Variants in NSD1 observed in about 807,000 individuals in gnomAD.
NSD1 encodes nuclear receptor binding SET domain protein 1.
In NSD1, 26 loss-of-function variants were observed where a neutral mutation model predicts 242.7. The observed-to-expected ratio is 0.11, with a 90% CI of 0.08 to 0.15. The LOEUF is 0.15. Ranked by LOEUF, NSD1 falls within the 10% of genes least tolerant of loss-of-function variation. The probability of loss-of-function intolerance (pLI) is 1.00; values close to 1 mark genes in which losing one functional copy is unlikely to be tolerated. For synonymous variants in NSD1, 1,106 were observed against 1,178.1 expected (o/e 0.94, Z 1.25); for missense variants, 2,495 against 3,272.8 (o/e 0.76, Z 5.80).
At chr5:177,164,684 A>G (rs1389595468) in intron 2 of NSD1, among the ~76,000 whole-genome samples, 1 of 152,222 alleles carries the variant, frequency 6.6e-6, no homozygotes, top group East Asian at 1.9e-4. Flanking sequence ...GCTCACGCCC[A>G]TAATTCCAGC....
chr5:177,266,221 G>C (rs1757440634), intron 14 of NSD1: 1 of 884,980 alleles, frequency 1.1e-6, no homozygotes, highest in Non-Finnish European at 1.9e-6. Context: ...TGATGATGAT[G>C]TTCACCTTTT....
At chr5:177,132,742 T>A (rs936342406), upstream of NSD1, among the ~76,000 whole-genome samples, 1 of 146,998 alleles carries the variant, frequency 6.8e-6, no homozygotes, top group Non-Finnish European at 1.5e-5. The surrounding 1 kb of genome is among the most constrained non-coding windows in gnomAD (Gnocchi z 7.5). Flanking sequence ...CCGGGGCGGG[T>A]AACCCGACCC....
rs560240663 is a variant in NSD1, at chr5:177,223,487, C to A, written c.3796+11292C>A. Among the ~76,000 whole-genome samples the A allele has an allele frequency of 2.0e-5, 3 of 151,758 alleles. No homozygotes were observed. The East Asian group carries it at 5.9e-4, about 30-fold the overall frequency. On this transcript the variant is annotated intron_variant, in intron 5 of 22. Coordinates refer to ENST00000439151, the MANE Select transcript of NSD1 (RefSeq NM_022455.5). ...ACTTGGGAGGCTGAGGCAGGAGAATCACTTGAACCCAGGAAGCGGAAGTTG... is the reference window on the plus strand; with the variant it reads ...ACTTGGGAGGCTGAGGCAGGAGAATAACTTGAACCCAGGAAGCGGAAGTTG...
intron 9 of NSD1, among the ~76,000 whole-genome samples, chr5:177,246,438 G>C (rs865836132): frequency 6.6e-6 from 1 of 152,122 alleles, no homozygotes; most frequent in Non-Finnish European, 1.5e-5. Context: ...TAAAATTTCT[G>C]TAATAACCTA....
At chr5:177,185,182 CTG>C (rs1230014948) in intron 2 of NSD1, among the ~76,000 whole-genome samples, 2 of 152,102 alleles carry the variant, frequency 1.3e-5, no homozygotes, top group African/African-American at 4.8e-5. Context: ...TTCTAAAAAA[CTG>C]TGGCTGGGTG....
chr5:177,186,080 ATATAT>A (rs536414803), intron 2 of NSD1, among the ~76,000 whole-genome samples: 2,886 of 118,504 alleles, frequency 0.024, 37 homozygotes, highest in African/African-American at 0.028. Flanking sequence ...GTTATATATA[ATATAT>A]TATATATAAC....
chr5:177,215,334 G>A (rs186207576), intron 5 of NSD1, among the ~76,000 whole-genome samples: 4 of 150,438 alleles, frequency 2.7e-5, no homozygotes, highest in African/African-American at 7.3e-5. Context: ...ATACCACCAC[G>A]CCTAGCTAAC....
At chr5:177,250,595 T>C (rs556477474) in intron 11 of NSD1, among the ~76,000 whole-genome samples, 18 of 152,262 alleles carry the variant, frequency 1.2e-4, no homozygotes, top group African/African-American at 3.9e-4. Flanking sequence ...ATAGAAACGT[T>C]ATTGGCACTC....
chr5:177,158,348 T>C (rs1190229536), intron 2 of NSD1, among the ~76,000 whole-genome samples: 2 of 151,590 alleles, frequency 1.3e-5, no homozygotes, highest in Admixed American at 6.6e-5. Flanking sequence ...TTTCTTTCTT[T>C]CTTTTTTTAG....
chr5:177,179,654 A>C (rs1760495365), intron 2 of NSD1, among the ~76,000 whole-genome samples: 1 of 152,232 alleles, frequency 6.6e-6, no homozygotes, highest in African/African-American at 2.4e-5. Context: ...GGTAGCCTAC[A>C]AGGGGCTCTC....
chr5:177,191,755 C>T, intron 2 of NSD1, 129 bp from the exon 3 acceptor site: 2 of 906,120 alleles, frequency 2.2e-6, no homozygotes, highest in Non-Finnish European at 3.5e-6. Context: ...TTTTGTAATT[C>T]TTTTTAGGCT....
chr5:177,151,466 G>A (rs981205053), intron 2 of NSD1, among the ~76,000 whole-genome samples: 1 of 152,034 alleles, frequency 6.6e-6, no homozygotes. Flanking sequence ...TCGGCTCCCT[G>A]CAACTTCTGC....
chr5:177,204,487 G>A (rs2149836675), intron 4 of NSD1, among the ~76,000 whole-genome samples, 195 bp downstream of exon 4: 1 of 152,234 alleles, frequency 6.6e-6, no homozygotes, highest in Non-Finnish European at 1.5e-5. Context: ...TTGAGTAGCT[G>A]GTATTATAAG....
At chr5:177,259,447 G>C (rs1260469739) in intron 13 of NSD1, among the ~76,000 whole-genome samples, 2 of 152,184 alleles carry the variant, frequency 1.3e-5, no homozygotes, top group Non-Finnish European at 2.9e-5. Flanking sequence ...TGGCAACACA[G>C]GGAAACCCCA....
At chr5:177,266,527 C>T (rs1757482256) in intron 14 of NSD1, 1 of 652,114 alleles carries the variant, frequency 1.5e-6, no homozygotes, top group South Asian at 1.7e-5. Context: ...CGGCTTCTCG[C>T]TGCTTTCCGC....
chr5:177,229,944 A>G (rs998289292), intron 5 of NSD1: 6 of 167,802 alleles, frequency 3.6e-5, no homozygotes, highest in Admixed American at 6.4e-5. Context: ...GAGCTTCACC[A>G]TGTTGGCCAG....
intron 2 of NSD1, chr5:177,169,299 A>T (rs1334856846): frequency 6.5e-6 from 1 of 154,572 alleles, no homozygotes; most frequent in Non-Finnish European, 1.4e-5. Context: ...ATGGTAAACG[A>T]CGACTTTTTT....
chr5:177,277,058 T>A (rs1238924805), intron 17 of NSD1, among the ~76,000 whole-genome samples: 2 of 152,046 alleles, frequency 1.3e-5, no homozygotes, highest in African/African-American at 4.8e-5. Context: ...ATTAACCATA[T>A]TGAGCTACTG....
At position 177,294,285 on chromosome 5, in the gene NSD1, C is replaced by T; in HGVS notation, c.6917C>T (p.Ser2306Phe). 1 of 1,613,548 alleles carries T rather than the reference C, an allele frequency of 6.2e-7. No individual in the cohort carries two copies. The highest frequency in any genetic ancestry group is 8.5e-7 in the Non-Finnish European group (1 of 1,179,536). The change falls in exon 23 of 23, where the codon TCC becomes TTC. Residue 2306 changes from serine (S) to phenylalanine (F), a missense_variant. Physicochemically the swap from Ser to Phe is radical, Grantham distance 155. Transcript: ENST00000439151. ...GACCTCGCTGGGTCAGGGACCAAAT[C>T]CCAATCCTTGGTTTCCAGCCAGAGG... ...VRDLAGSGTK[S>F]QSLVSSQRPL...
Sources: gnomAD v4.1 joint callset for allele counts (sites outside exome capture counted in the v4.1 genomes callset) on GRCh38, gnomAD v4.1.1 for gene constraint, Gnocchi (gnomAD v3.1) non-coding constraint, MANE v1.5 for transcripts, NCBI Gene and HGNC (gene_info 2026-07-23, HGNC 2026-07-21) for gene names.